The following ETV6 variants were observed in gnomAD, a reference collection of about 807,000 sequenced individuals.
ETV6 encodes the protein transcription factor ETV6.
In ETV6, 16 loss-of-function variants were observed where a neutral mutation model predicts 51.1. The ratio of observed to expected loss-of-function variants is 0.31; its 90% CI spans 0.21 to 0.48. The LOEUF is 0.48. ETV6 is among the 20% of genes least tolerant of loss of function. The probability of loss-of-function intolerance (pLI) is 0.99; values close to 1 mark genes in which losing one functional copy is unlikely to be tolerated. For synonymous variants in ETV6, 240 were observed against 224.1 expected (o/e 1.07, Z -0.64); for missense variants, 458 against 594.8 (o/e 0.77, Z 2.39).
intron 2 of ETV6, among the ~76,000 whole-genome samples, chr12:11,833,900 C>T (rs1384159107): frequency 1.3e-5 from 2 of 152,110 alleles, no homozygotes; most frequent in Non-Finnish European, 2.9e-5. Flanking sequence ...CTACAGTTTT[C>T]TCATCTGTAA....
chr12:11,824,927 A>G (rs1208771570), intron 2 of ETV6, among the ~76,000 whole-genome samples: 1 of 152,220 alleles, frequency 6.6e-6, no homozygotes, highest in Non-Finnish European at 1.5e-5. Context: ...GGCTGGAACC[A>G]TGCCATTTCA....
chr12:11,752,592 G>A lies in ETV6; in HGVS notation c.163+13G>A, dbSNP rs371180562. ...CCTGCGCACCTGCGTGAGTGTTCGTGACCCGAGAGGGACAGAGGATTGATG... is the reference window on the plus strand; with the variant it reads ...CCTGCGCACCTGCGTGAGTGTTCGTAACCCGAGAGGGACAGAGGATTGATG... On this transcript the variant is annotated intron_variant, in intron 2 of 7. Transcript: ENST00000396373. The A allele has an allele frequency of 9.3e-6, 15 of 1,607,742 alleles. No homozygotes were observed. Among genetic ancestry groups the A allele is most frequent in the Non-Finnish European group, 1.1e-5 (13 of 1,178,186 alleles).
intron 2 of ETV6, among the ~76,000 whole-genome samples, chr12:11,814,658 C>T (rs1945965488): frequency 6.6e-6 from 1 of 152,206 alleles, no homozygotes; most frequent in Admixed American, 6.5e-5. Context: ...AGCTCTGCAG[C>T]CCTCTCTCAG....
At chr12:11,846,564 A>G (rs1296088208) in intron 3 of ETV6, among the ~76,000 whole-genome samples, 1 of 152,170 alleles carries the variant, frequency 6.6e-6, no homozygotes, top group Non-Finnish European at 1.5e-5. Flanking sequence ...TGATAATTCT[A>G]TTCCTAAGCA....
intron 2 of ETV6, among the ~76,000 whole-genome samples, chr12:11,754,848 G>C (rs922915588): frequency 4.6e-5 from 7 of 152,274 alleles, no homozygotes; most frequent in African/African-American, 1.7e-4. Flanking sequence ...AGCAGGCACT[G>C]TGTGAAGTCC....
intron 2 of ETV6, among the ~76,000 whole-genome samples, chr12:11,824,068 C>G (rs1488433378): frequency 6.6e-6 from 1 of 152,218 alleles, no homozygotes; most frequent in African/African-American, 2.4e-5. Context: ...TGGTGCTCTT[C>G]TTTATGAGAC....
intron 1 of ETV6, among the ~76,000 whole-genome samples, chr12:11,658,930 T>G (rs1468854975): frequency 6.6e-6 from 1 of 152,214 alleles, no homozygotes; most frequent in African/African-American, 2.4e-5. Flanking sequence ...CGCTCAAGTA[T>G]TTGAACCTAT....
chr12:11,746,654 C>A (rs1865914032), intron 1 of ETV6, among the ~76,000 whole-genome samples: 1 of 152,090 alleles, frequency 6.6e-6, no homozygotes, highest in African/African-American at 2.4e-5. Context: ...ATTTGTAATG[C>A]CTGCTATAGG....
At chr12:11,886,742 T>C (rs370836159) in intron 7 of ETV6, among the ~76,000 whole-genome samples, 4 of 152,306 alleles carry the variant, frequency 2.6e-5, no homozygotes, top group South Asian at 2.1e-4. Context: ...CCAAGTACTA[T>C]GCAAGAGAGG....
intron 1 of ETV6, among the ~76,000 whole-genome samples, chr12:11,672,665 G>T (rs1864342269): frequency 6.6e-6 from 1 of 152,190 alleles, no homozygotes; most frequent in Admixed American, 6.5e-5. Flanking sequence ...TGTAAATCAT[G>T]CTGCTCATAA....
At chr12:11,877,545 C>T (rs1947010476) in intron 5 of ETV6, among the ~76,000 whole-genome samples, 1 of 152,112 alleles carries the variant, frequency 6.6e-6, no homozygotes, top group Non-Finnish European at 1.5e-5. Context: ...CCCCAGAAGC[C>T]ACAGGGATTC....
At chr12:11,669,551 C>A (rs1403106122) in intron 1 of ETV6, among the ~76,000 whole-genome samples, 1 of 151,996 alleles carries the variant, frequency 6.6e-6, no homozygotes, top group Non-Finnish European at 1.5e-5. Context: ...TGCTTTTCTG[C>A]CTTTACATCT....
chr12:11,837,816 C>T (rs1158434796), intron 2 of ETV6, among the ~76,000 whole-genome samples: 1 of 152,124 alleles, frequency 6.6e-6, no homozygotes, highest in Non-Finnish European at 1.5e-5. Context: ...TTCTTCTGAC[C>T]CAGCAGTTCT....
chr12:11,770,586 C>T lies in ETV6; in HGVS notation c.163+18007C>T, dbSNP rs552720078. ...CTAGACTTGTTTTGTTAGGCCCTTC[C>T]TCCTTCCCTTCCTCTACTTATCTTC... On this transcript the variant is annotated intron_variant, in intron 2 of 7. Coordinates refer to ENST00000396373, the MANE Select transcript of ETV6 (RefSeq NM_001987.5). Among the ~76,000 whole-genome samples, 40 of 152,288 alleles carry T rather than the reference C, an allele frequency of 2.6e-4. 1 individual carries two copies. In the East Asian group the frequency reaches 7.3e-3, roughly 28 times the overall value.
chr12:11,883,286 T>C (rs1366763345), intron 5 of ETV6, among the ~76,000 whole-genome samples: 1,075 of 34,894 alleles, frequency 0.031, 42 homozygotes, highest in South Asian at 0.066. Context: ...CTTTTTTTTT[T>C]TTTTTTTTTT....
intron 2 of ETV6, among the ~76,000 whole-genome samples, chr12:11,801,301 ACT>A (rs1427350976): frequency 1.3e-5 from 2 of 152,186 alleles, no homozygotes. Context: ...GCAAGAGGTA[ACT>A]CTCTGGCTAT....
intron 1 of ETV6, among the ~76,000 whole-genome samples, chr12:11,746,265 A>G (rs2954979): frequency 0.88 from 134,424 of 152,228 alleles, 61,230 homozygotes; most frequent in Non-Finnish European, 0.99. Context: ...TTGGCATTAT[A>G]AAGCAGTTCA....
intron 1 of ETV6, among the ~76,000 whole-genome samples, chr12:11,720,597 A>C (rs1591630956): frequency 6.6e-6 from 1 of 152,206 alleles, no homozygotes; most frequent in Non-Finnish European, 1.5e-5. Context: ...ATTAAATCGA[A>C]ATCTAAGACC....
intron 1 of ETV6, among the ~76,000 whole-genome samples, chr12:11,721,527 G>A (rs796915371): frequency 7.9e-5 from 12 of 152,196 alleles, no homozygotes; most frequent in South Asian, 2.1e-4. Flanking sequence ...GCTATACATC[G>A]AGCACTCATG....
Sources: allele counts gnomAD v4.1 joint callset (sites outside exome capture counted in the v4.1 genomes callset), GRCh38; gene constraint gnomAD v4.1.1; transcripts MANE v1.5; gene names NCBI Gene and HGNC (gene_info 2026-07-23, HGNC 2026-07-21).